Variants in GUCY2C observed in about 807,000 individuals in gnomAD.
GUCY2C encodes guanylate cyclase 2C.
In GUCY2C, 118 loss-of-function variants were observed where a neutral mutation model predicts 131.1. The observed-to-expected ratio is 0.90, with a 90% CI of 0.78 to 1.05. GUCY2C has a LOEUF of 1.05. Ranked by LOEUF, GUCY2C falls within the 50% of genes least tolerant of loss-of-function variation. The pLI is 0.00. For synonymous variants in GUCY2C, 452 were observed against 457.8 expected (o/e 0.99, Z 0.16); for missense variants, 1,161 against 1,304.4 (o/e 0.89, Z 1.69).
At chr12:14,658,969 A>G (rs1947812678) in intron 11 of GUCY2C, among the ~76,000 whole-genome samples, 1 of 151,954 alleles carries the variant, frequency 6.6e-6, no homozygotes, top group African/African-American at 2.4e-5. Flanking sequence ...AACAGCTCAG[A>G]TGAAGAAATT....
At chr12:14,633,373 C>T (rs1340772439) in intron 19 of GUCY2C, among the ~76,000 whole-genome samples, 2 of 152,148 alleles carry the variant, frequency 1.3e-5, no homozygotes, top group Non-Finnish European at 2.9e-5. Context: ...AGCCAAAGTG[C>T]CTCACCCAAC....
intron 7 of GUCY2C, among the ~76,000 whole-genome samples, chr12:14,676,522 CT>C (rs1948238751): frequency 6.6e-6 from 1 of 152,164 alleles, no homozygotes. Flanking sequence ...TAATTTCTAC[CT>C]ATTTTAAGTG....
intron 10 of GUCY2C, 54 bp from the exon 11 acceptor site, chr12:14,661,116 C>G: frequency 9.2e-7 from 1 of 1,081,338 alleles, no homozygotes; most frequent in Non-Finnish European, 1.4e-6. Flanking sequence ...AAAAGCATTT[C>G]CAAGATTCTA....
intron 4 of GUCY2C, among the ~76,000 whole-genome samples, chr12:14,682,202 C>T (rs1948359678): frequency 6.6e-6 from 1 of 152,136 alleles, no homozygotes; most frequent in Admixed American, 6.5e-5. Context: ...TGTGTCCCCA[C>T]CCAAATATCA....
intron 24 of GUCY2C, among the ~76,000 whole-genome samples, chr12:14,618,055 A>G (rs1342002413): frequency 6.6e-6 from 1 of 152,136 alleles, no homozygotes; most frequent in African/African-American, 2.4e-5. Flanking sequence ...CATGTCTCCC[A>G]GTGCTTATTT....
At chr12:14,677,340 G>T (rs1484349914) in intron 6 of GUCY2C, among the ~76,000 whole-genome samples, 4 of 152,102 alleles carry the variant, frequency 2.6e-5, no homozygotes, top group African/African-American at 9.7e-5. Flanking sequence ...TTGAGACATG[G>T]TAGAGAGAAA....
rs180931659 is a variant in GUCY2C at position 14,669,571 on chromosome 12, A to C, written c.1282+151T>G. 8.3e-5 allele frequency: 47 copies of C among 567,338 alleles called. No homozygotes were observed. In the African/African-American group the frequency reaches 8.4e-4, roughly 10 times the overall value. 35.1% of individuals were successfully genotyped at this position (567,338 alleles called of 1,614,324 possible). A position where few individuals can be genotyped will look rare whatever the true frequency, so the allele number is the denominator to read the frequency against. On this transcript the variant is annotated intron_variant, in intron 10 of 26. Transcript: ENST00000261170. ...TCATTCATTGTGCAGGGAAGTAAGG[A>C]CCACATTTACAAACTGGACAGCAGG...
chr12:14,675,624 GC>G (rs2137079538), intron 7 of GUCY2C, among the ~76,000 whole-genome samples: 1 of 152,242 alleles, frequency 6.6e-6, no homozygotes, highest in Admixed American at 6.5e-5. Context: ...TGCCCCAAAT[GC>G]CTGTCCTGGG....
rs376651938 is a variant in GUCY2C, at chr12:14,613,496, A to T, written c.3048-205T>A. ...ATCTCTGCTAGGAAATTAGGCTTCA[A>T]TTTCAAAGTGAAACAATATGCTGCT... On this transcript the variant is annotated intron_variant, in intron 26 of 26. Transcript: ENST00000261170. This position sits in a 1 kb window ranked among gnomAD's most constrained non-coding sequence, Gnocchi z 4.9. Among the ~76,000 whole-genome samples the T allele has an allele frequency of 3.3e-5, 5 of 152,232 alleles. No individual in the cohort carries two copies. The East Asian group carries it at 7.7e-4, about 24-fold the overall frequency.
At chr12:14,669,862 A>G in intron 9 of GUCY2C, 29 bp from the exon 10 acceptor site, 1 of 895,920 alleles carries the variant, frequency 1.1e-6, no homozygotes, top group Non-Finnish European at 1.8e-6. Context: ...AAGAAAAAGG[A>G]TGAACAGTAA....
chr12:14,655,692 CT>C (rs1307786763), intron 12 of GUCY2C, among the ~76,000 whole-genome samples: 4 of 152,150 alleles, frequency 2.6e-5, no homozygotes, highest in Non-Finnish European at 5.9e-5. Flanking sequence ...TCTTAATACG[CT>C]TTGGTATAAA....
rs548924369 is a variant in GUCY2C at position 14,681,193 on chromosome 12, A to G, written c.733+163T>C. Among the ~76,000 whole-genome samples the G allele has an allele frequency of 4.6e-5, 7 of 152,336 alleles. No homozygotes were observed. The South Asian group carries it at 1.5e-3, about 32-fold the overall frequency. On this transcript the variant is annotated intron_variant, in intron 5 of 26. Transcript: ENST00000261170. The stretch of plus-strand genomic sequence containing the variant: ...AGGTTTTTAGTCAATGAAAGGAACA[A>G]TATAATGAAGTTGCATGCAATTATA...
At position 14,663,478 on chromosome 12, in the gene GUCY2C, T is replaced by A. The variant is rs866360339; in HGVS notation, c.1283-2416A>T. Reference sequence around the variant, plus strand: ...TTGTATTTTTAGTAGAGGTGGGGTTTCATCACGTTGGCCAGGCTGGTCTCG... The same window carrying A: ...TTGTATTTTTAGTAGAGGTGGGGTTACATCACGTTGGCCAGGCTGGTCTCG... On this transcript the variant is annotated intron_variant, in intron 10 of 26. Transcript: ENST00000261170. 5.3e-5 allele frequency among the ~76,000 whole-genome samples: 8 copies of A among 152,342 alleles called. No individual in the cohort carries two copies. In the Middle Eastern group the frequency reaches 0.014, roughly 259 times the overall value.
intron 14 of GUCY2C, 44 bp from the exon 15 acceptor site, chr12:14,651,555 G>A (rs1947659903): frequency 1.0e-6 from 1 of 984,068 alleles, no homozygotes; most frequent in East Asian, 2.4e-5. Flanking sequence ...GGCAGAATGG[G>A]GTGCCAAAGT....
chr12:14,613,467 TGTTATCTCTGCTAG>T lies in GUCY2C; in HGVS notation c.3048-190_3048-177del, dbSNP rs1946693097. On this transcript the variant is annotated intron_variant, in intron 26 of 26. Transcript: ENST00000261170. This position sits in a 1 kb window ranked among gnomAD's most constrained non-coding sequence, Gnocchi z 4.9. ...CCTGCCTTTGATGAGCTTAAAAAAC[TGTTATCTCTGCTAG>T]GAAATTAGGCTTCAATTTCAAAGTG... 1.3e-5 allele frequency among the ~76,000 whole-genome samples: 2 copies of T among 152,112 alleles called. No homozygotes were observed. Among genetic ancestry groups the T allele is most frequent in the African/African-American group, 4.8e-5 (2 of 41,432 alleles).
At position 14,686,276 on chromosome 12, in the gene GUCY2C, G is replaced by A. The variant is rs1008028713; in HGVS notation, c.331-51C>T. The A allele has an allele frequency of 4.6e-6, 6 of 1,311,484 alleles. No homozygotes were observed. The South Asian group carries it at 6.0e-5, about 13-fold the overall frequency. The allele number at this position is 1,311,484 out of a possible 1,614,324, so 81.2% of individuals were successfully genotyped here. A position where few individuals can be genotyped will look rare whatever the true frequency, so the allele number is the denominator to read the frequency against. On this transcript the variant is annotated intron_variant, in intron 2 of 26. Transcript: ENST00000261170. Reference sequence around the variant, plus strand: ...TTCCTAGAACTAAGAAAAATACTCAGTGGACAGGAAAGAAGTAGCAAGGGG... The same window carrying A: ...TTCCTAGAACTAAGAAAAATACTCAATGGACAGGAAAGAAGTAGCAAGGGG...
chr12:14,649,694 T>C (rs1947601820), intron 15 of GUCY2C, among the ~76,000 whole-genome samples: 1 of 152,158 alleles, frequency 6.6e-6, no homozygotes, highest in Non-Finnish European at 1.5e-5. Context: ...TCATTTTAAT[T>C]GATACTGATA....
intron 2 of GUCY2C, 147 bp from the exon 3 acceptor site, chr12:14,686,372 G>T: frequency 6.2e-6 from 4 of 643,950 alleles, no homozygotes; most frequent in Non-Finnish European, 1.1e-5. Flanking sequence ...GGGTGCCTTG[G>T]TCTGGACAAG....
chr12:14,681,275 G>C, intron 5 of GUCY2C, 81 bp downstream of exon 5: 1 of 1,249,168 alleles, frequency 8.0e-7, no homozygotes, highest in East Asian at 2.3e-5. Context: ...TGCAGTGGAG[G>C]ATTTGTTGAA....
Sources: gnomAD v4.1 joint callset for allele counts (sites outside exome capture counted in the v4.1 genomes callset) on GRCh38, gnomAD v4.1.1 for gene constraint, Gnocchi (gnomAD v3.1) non-coding constraint, MANE v1.5 for transcripts, NCBI Gene and HGNC (gene_info 2026-07-23, HGNC 2026-07-21) for gene names.